Variants in MACROD1 observed in about 807,000 individuals in gnomAD.
The protein encoded by MACROD1 is mono-ADP ribosylhydrolase 1.
MACROD1 carries 31 observed loss-of-function variants against 41.4 expected under a neutral mutation model. The observed-to-expected ratio is 0.75, with a 90% CI of 0.56 to 1.01. MACROD1 has a LOEUF of 1.01. MACROD1 is among the 50% of genes least tolerant of loss of function. The pLI, the probability that MACROD1 is intolerant of heterozygous loss-of-function variation, is 0.00. For missense variants in MACROD1, 473 were observed against 460.0 expected (o/e 1.03, Z -0.26); for synonymous variants, 252 against 203.4 (o/e 1.24, Z -2.03).
chr11:64,134,250 C>A (rs1003605369), intron 3 of MACROD1, among the ~76,000 whole-genome samples: 1 of 152,194 alleles, frequency 6.6e-6, no homozygotes, highest in Admixed American at 6.5e-5. Flanking sequence ...GTCCCCATGT[C>A]CATCACAGTC....
rs552316393 is a variant in MACROD1 at position 64,074,694 on chromosome 11, A to G, written c.518-59413T>C. Among the ~76,000 whole-genome samples, 4 of 152,264 alleles carry G rather than the reference A, an allele frequency of 2.6e-5. No individual in the cohort carries two copies. The East Asian group carries it at 7.7e-4, about 29-fold the overall frequency. ...ACCCCCTTTATCCCAGGAGCTAGAT[A>G]CCACCAAACTGCCCTGTGGGTCCCT... On this transcript the variant is annotated intron_variant, in intron 3 of 10. Transcript: ENST00000255681.
intron 3 of MACROD1, among the ~76,000 whole-genome samples, chr11:64,086,333 A>G (rs928060017): frequency 1.3e-5 from 2 of 151,984 alleles, no homozygotes; most frequent in African/African-American, 4.8e-5. Context: ...TGGGGTGTGC[A>G]GTTCTAAGAC....
At chr11:64,103,222 T>C (rs903602893) in intron 3 of MACROD1, 1 of 152,420 alleles carries the variant, frequency 6.6e-6, no homozygotes, top group Middle Eastern at 3.4e-3. Context: ...GGCGAGAAGA[T>C]GGATTCCTTT....
At chr11:64,070,403 C>T (rs535788513) in intron 3 of MACROD1, among the ~76,000 whole-genome samples, 3 of 152,264 alleles carry the variant, frequency 2.0e-5, no homozygotes, top group East Asian at 1.9e-4. Context: ...AAAATAGAGC[C>T]GGCCACGCCT....
chr11:64,117,729 G>A (rs1347118580), intron 3 of MACROD1: 7 of 1,613,724 alleles, frequency 4.3e-6, no homozygotes, highest in African/African-American at 2.7e-5. Flanking sequence ...GGTGCAGGGG[G>A]ACAAGACAGA....
intron 4 of MACROD1, among the ~76,000 whole-genome samples, chr11:64,002,770 TG>T (rs1236174637): frequency 6.6e-6 from 1 of 152,140 alleles, no homozygotes; most frequent in African/African-American, 2.4e-5. Flanking sequence ...GGCTCTTACC[TG>T]GGGCTAAGCT....
chr11:64,051,856 G>A (rs1177544637), intron 3 of MACROD1, among the ~76,000 whole-genome samples: 2 of 151,914 alleles, frequency 1.3e-5, no homozygotes, highest in Non-Finnish European at 2.9e-5. Context: ...TGGATATTGG[G>A]GGCCATGGCC....
intron 3 of MACROD1, among the ~76,000 whole-genome samples, chr11:64,065,515 C>T (rs184421426): frequency 1.0e-3 from 156 of 152,260 alleles, no homozygotes; most frequent in East Asian, 5.8e-4. Context: ...AGGGGCCAGG[C>T]GCGGTGGCTC....
intron 3 of MACROD1, among the ~76,000 whole-genome samples, chr11:64,121,593 C>A (rs1163207630): frequency 2.8e-4 from 43 of 152,172 alleles, no homozygotes; most frequent in Non-Finnish European, 1.5e-5. Context: ...CCAGCTCCTC[C>A]CAGCTGGTCT....
At chr11:64,007,352 C>T (rs1190509112) in intron 4 of MACROD1, among the ~76,000 whole-genome samples, 1 of 152,076 alleles carries the variant, frequency 6.6e-6, no homozygotes. Context: ...GAGGGATGGG[C>T]GCCGTTCAGA....
chr11:64,033,298 T>TC (rs1365730267), intron 3 of MACROD1, among the ~76,000 whole-genome samples: 1 of 152,176 alleles, frequency 6.6e-6, no homozygotes, highest in African/African-American at 2.4e-5. Flanking sequence ...CCCAGCCATA[T>TC]CCCCCGAACT....
intron 3 of MACROD1, among the ~76,000 whole-genome samples, chr11:64,097,636 GCGGAGGC>G (rs1458693011): frequency 6.6e-6 from 1 of 152,258 alleles, no homozygotes; most frequent in Non-Finnish European, 1.5e-5. Flanking sequence ...AATTAGCAGA[GCGGAGGC>G]TGGGAGGGTT....
chr11:64,152,339 T>C lies in MACROD1; in HGVS notation c.353A>G (p.Asp118Gly). The change falls in exon 2 of 11, where the codon GAC (aspartate) becomes GGC (glycine). Residue 118 changes from aspartate to glycine, a missense_variant. Physicochemically the swap from Asp to Gly is moderately conservative, Grantham distance 94. Transcript: ENST00000255681. ...KQREEHYFCK[D>G]FVRLKKIPTW... ...CGGGATCTTCTTCAGCCTGACAAAG[T>C]CCTTGCAGAAGTAATGTTCCTCCCG... is the stretch of plus-strand genomic sequence containing the variant. 1 of 1,614,188 alleles carries C rather than the reference T, an allele frequency of 6.2e-7. No homozygotes were observed. Among genetic ancestry groups the C allele is most frequent in the Non-Finnish European group, 8.5e-7 (1 of 1,180,036 alleles).
At chr11:64,100,094 T>A (rs1031372482) in intron 3 of MACROD1, among the ~76,000 whole-genome samples, 2 of 152,166 alleles carry the variant, frequency 1.3e-5, no homozygotes, top group African/African-American at 2.4e-5. Context: ...CAAGTCCTGC[T>A]CCCTCTTCTC....
At chr11:64,029,400 A>G (rs971794097) in intron 3 of MACROD1, among the ~76,000 whole-genome samples, 3 of 152,064 alleles carry the variant, frequency 2.0e-5, no homozygotes, top group Non-Finnish European at 4.4e-5. Flanking sequence ...CTGAGACACC[A>G]ATCTCAGAGC....
chr11:64,061,320 C>T (rs1297111126), intron 3 of MACROD1, among the ~76,000 whole-genome samples: 5 of 152,210 alleles, frequency 3.3e-5, no homozygotes, highest in African/African-American at 1.2e-4. Context: ...GCCCTTCCTT[C>T]ACGCTGAGCC....
intron 3 of MACROD1, among the ~76,000 whole-genome samples, chr11:64,107,934 G>A (rs189152099): frequency 2.6e-5 from 4 of 152,326 alleles, no homozygotes; most frequent in Admixed American, 2.0e-4. Context: ...CTCATTGCTA[G>A]TAATGGTAAT....
Position 64,054,999 on chromosome 11 carries a change from T to C in MACROD1, c.518-39718A>G, listed in dbSNP as rs192240923. ...CAGCCCTTTCCTACCGCCACTACCATCCAGACTCTGCCAGTCTTCTCCTTT... is the reference window on the plus strand; with the variant it reads ...CAGCCCTTTCCTACCGCCACTACCACCCAGACTCTGCCAGTCTTCTCCTTT... On this transcript the variant is annotated intron_variant, in intron 3 of 10. Coordinates refer to ENST00000255681, the MANE Select transcript of MACROD1 (RefSeq NM_014067.4). Among the ~76,000 whole-genome samples the C allele has an allele frequency of 1.3e-3, 195 of 152,194 alleles. 2 individuals carry two copies. Among genetic ancestry groups the C allele is most frequent in the Non-Finnish European group, 1.1e-3 (78 of 67,998 alleles).
intron 4 of MACROD1, among the ~76,000 whole-genome samples, chr11:64,014,585 T>G (rs1050707648): frequency 1.3e-5 from 2 of 152,156 alleles, no homozygotes; most frequent in Non-Finnish European, 1.5e-5. Context: ...CCTGGCCAGC[T>G]GGGGGGCTGC....
Sources: gnomAD v4.1 joint callset for allele counts (sites outside exome capture counted in the v4.1 genomes callset) on GRCh38, gnomAD v4.1.1 for gene constraint, MANE v1.5 for transcripts, NCBI Gene and HGNC (gene_info 2026-07-23, HGNC 2026-07-21) for gene names.